The following SHISA9 variants were observed in gnomAD, a reference collection of about 807,000 sequenced individuals.
SHISA9 encodes shisa family member 9, also known as protein shisa-9.
SHISA9 carries 13 observed loss-of-function variants against 38.0 expected under a neutral mutation model. The ratio of observed to expected loss-of-function variants is 0.34; its 90% CI spans 0.22 to 0.54. The LOEUF (loss-of-function observed/expected upper bound fraction) is 0.54. Ranked by LOEUF, SHISA9 falls within the 20% of genes least tolerant of loss-of-function variation. The pLI, the probability that SHISA9 is intolerant of heterozygous loss-of-function variation, is 0.91. For missense variants in SHISA9, 538 were observed against 575.8 expected, an observed-to-expected ratio of 0.93 and a Z score of 0.67; for synonymous variants, 275 against 242.0, an observed-to-expected ratio of 1.14 and a Z score of -1.27.
At chr16:12,925,437 G>T (rs1419358985) in intron 2 of SHISA9, among the ~76,000 whole-genome samples, 1 of 108,910 alleles carries the variant, frequency 9.2e-6, no homozygotes, top group African/African-American at 3.9e-5. Flanking sequence ...AAATGAGATT[G>T]TGTGTGTGTA....
chr16:13,034,746 C>T (rs1042332053), intron 2 of SHISA9, among the ~76,000 whole-genome samples: 2 of 152,200 alleles, frequency 1.3e-5, no homozygotes, highest in Non-Finnish European at 2.9e-5. Context: ...GAGCCTATAG[C>T]TGAAGAACGC....
At chr16:13,347,108 C>T in the SHISA9 span, among the ~76,000 whole-genome samples, 1 of 152,138 alleles carries the variant, frequency 6.6e-6, no homozygotes, top group African/African-American at 2.4e-5. Context: ...TAGTTCTTTT[C>T]CTGATGATGT....
the SHISA9 span, among the ~76,000 whole-genome samples, chr16:13,462,917 G>A: frequency 6.6e-6 from 1 of 152,002 alleles, no homozygotes. Flanking sequence ...AGCCGAGATC[G>A]CACCATTGCA....
chr16:13,552,060 G>A, the SHISA9 span, among the ~76,000 whole-genome samples: 1 of 152,120 alleles, frequency 6.6e-6, no homozygotes, highest in Non-Finnish European at 1.5e-5. Flanking sequence ...TAAAGAGGTG[G>A]GGACGCATTT....
chr16:13,223,890 A>T (rs1384647830), intron 4 of SHISA9, among the ~76,000 whole-genome samples: 1 of 152,186 alleles, frequency 6.6e-6, no homozygotes, highest in Non-Finnish European at 1.5e-5. Flanking sequence ...GCAATATTCT[A>T]TACTGCAGGC....
the SHISA9 span, among the ~76,000 whole-genome samples, chr16:13,363,288 G>A: frequency 0.72 from 109,593 of 152,194 alleles, 39,521 homozygotes; most frequent in East Asian, 0.78. Flanking sequence ...CTGGACTATA[G>A]TATCTTTGAA....
chr16:13,290,111 C>T, the SHISA9 span, among the ~76,000 whole-genome samples: 1 of 152,092 alleles, frequency 6.6e-6, no homozygotes, highest in Non-Finnish European at 1.5e-5. Flanking sequence ...GAATAAATCT[C>T]TTTGATAACA....
chr16:13,171,115 G>T (rs1412716586), intron 2 of SHISA9, among the ~76,000 whole-genome samples: 1 of 152,184 alleles, frequency 6.6e-6, no homozygotes, highest in Non-Finnish European at 1.5e-5. Flanking sequence ...GGGGAAGCAG[G>T]CGTGTCACAT....
At chr16:13,145,545 A>G (rs192253392) in intron 2 of SHISA9, among the ~76,000 whole-genome samples, 1 of 151,410 alleles carries the variant, frequency 6.6e-6, no homozygotes, top group South Asian at 2.1e-4. Context: ...ACAACAACAA[A>G]AAAAGGTAGT....
the SHISA9 span, among the ~76,000 whole-genome samples, chr16:13,300,160 G>C: frequency 6.6e-6 from 1 of 152,256 alleles, no homozygotes; most frequent in African/African-American, 2.4e-5. Flanking sequence ...AAGCCTAGAA[G>C]TAGCAGGCTC....
chr16:13,220,839 C>A (rs537472838), intron 4 of SHISA9, among the ~76,000 whole-genome samples: 2 of 152,100 alleles, frequency 1.3e-5, no homozygotes, highest in African/African-American at 4.8e-5. Context: ...GTTGACTGCA[C>A]AGCAGGACTG....
chr16:13,265,429 C>A, the SHISA9 span, among the ~76,000 whole-genome samples: 1 of 124,100 alleles, frequency 8.1e-6, no homozygotes, highest in African/African-American at 3.1e-5. Flanking sequence ...CTCCCCTCCT[C>A]TTCCCTTCCC....
the SHISA9 span, among the ~76,000 whole-genome samples, chr16:13,397,386 C>A: frequency 3.3e-5 from 5 of 152,062 alleles, no homozygotes; most frequent in African/African-American, 9.7e-5. Context: ...GCTCCTGAAG[C>A]CCAAGTGGGC....
the SHISA9 span, among the ~76,000 whole-genome samples, chr16:13,334,586 A>G: frequency 1.3e-3 from 191 of 152,118 alleles, 3 homozygotes; most frequent in African/African-American, 4.4e-3. Flanking sequence ...CATCCTGGCT[A>G]ACATGGTGAA....
chr16:13,528,918 A>G, the SHISA9 span, among the ~76,000 whole-genome samples: 1 of 152,212 alleles, frequency 6.6e-6, no homozygotes, highest in Non-Finnish European at 1.5e-5. Flanking sequence ...GGCAAGTTCC[A>G]CTTCTGATTT....
At chr16:13,213,771 C>T (rs189318369) in intron 4 of SHISA9, among the ~76,000 whole-genome samples, 22 of 152,230 alleles carry the variant, frequency 1.4e-4, no homozygotes, top group African/African-American at 4.8e-4. Context: ...CCTGGGACAG[C>T]GTGGTGAGCA....
chr16:13,008,885 G>T (rs1051560067), intron 2 of SHISA9, among the ~76,000 whole-genome samples: 4 of 152,022 alleles, frequency 2.6e-5, no homozygotes, highest in African/African-American at 9.7e-5. Context: ...AGAAATGTTT[G>T]ATGACTGACT....
the SHISA9 span, among the ~76,000 whole-genome samples, chr16:13,469,314 GAGAGAGAGAAAGAA>G: frequency 2.8e-5 from 3 of 106,468 alleles, no homozygotes; most frequent in African/African-American, 4.1e-5. Context: ...GAGAGAGAGA[GAGAGAGAGAAAGAA>G]AGAAAGAAAG....
At chr16:13,468,877 A>G in the SHISA9 span, among the ~76,000 whole-genome samples, 4 of 151,948 alleles carry the variant, frequency 2.6e-5, no homozygotes, top group African/African-American at 9.7e-5. Context: ...TGCATTATAT[A>G]TTGCTTTTTA....
Sources: gnomAD v4.1 joint callset for allele counts (sites outside exome capture counted in the v4.1 genomes callset) on GRCh38, gnomAD v4.1.1 for gene constraint, MANE v1.5 for transcripts, NCBI Gene and HGNC (gene_info 2026-07-23, HGNC 2026-07-21) for gene names.